The following PSMD1 variants were observed in gnomAD, a reference collection of about 807,000 sequenced individuals.
PSMD1 encodes the protein 26S proteasome non-ATPase regulatory subunit 1.
PSMD1 carries 18 observed loss-of-function variants against 119.0 expected under a neutral mutation model. That is an observed-to-expected ratio of 0.15 (90% confidence interval 0.10 to 0.22). The LOEUF (loss-of-function observed/expected upper bound fraction) is 0.22. PSMD1 is among the 10% of genes least tolerant of loss of function. PSMD1 has a pLI of 1.00. For missense variants in PSMD1, 702 were observed against 1,158.5 expected, an observed-to-expected ratio of 0.61 and a Z score of 5.72; for synonymous variants, 374 against 396.6, an observed-to-expected ratio of 0.94 and a Z score of 0.68.
rs937334286 is a variant in PSMD1 at position 231,134,760 on chromosome 2, A to G, written c.1884-3976A>G. ...GCCCATTCAAGACTCAATTAGCCTT[A>G]GAAAGAAATACTCACAGGTATGTCA... On this transcript the variant is annotated intron_variant, in intron 16 of 24. Transcript: ENST00000308696. Among the ~76,000 whole-genome samples the G allele has an allele frequency of 4.6e-5, 7 of 152,344 alleles. No homozygotes were observed. The East Asian group carries it at 9.6e-4, about 21-fold the overall frequency.
At chr2:231,082,216 C>G (rs1694325266) in intron 12 of PSMD1, among the ~76,000 whole-genome samples, 1 of 152,154 alleles carries the variant, frequency 6.6e-6, no homozygotes, top group Non-Finnish European at 1.5e-5. Context: ...GCATGCACCA[C>G]CACGCCCAGC....
intron 15 of PSMD1, among the ~76,000 whole-genome samples, chr2:231,086,439 C>T (rs1343780412): frequency 6.6e-6 from 1 of 152,082 alleles, no homozygotes; most frequent in Non-Finnish European, 1.5e-5. Flanking sequence ...GGCAGATCAC[C>T]TCTGGTCAGG....
chr2:231,057,632 A>G (rs1348467306), intron 1 of PSMD1, among the ~76,000 whole-genome samples: 1 of 152,220 alleles, frequency 6.6e-6, no homozygotes, highest in Admixed American at 6.5e-5. Context: ...CGCCCTGGAG[A>G]TACCTTTATA....
intron 16 of PSMD1, among the ~76,000 whole-genome samples, chr2:231,118,459 T>A (rs1411214937): frequency 1.3e-5 from 2 of 152,200 alleles, no homozygotes; most frequent in African/African-American, 4.8e-5. Context: ...TAACTTTCAA[T>A]TGAATTTGTC....
intron 4 of PSMD1, among the ~76,000 whole-genome samples, chr2:231,064,320 A>C (rs1693841932): frequency 6.6e-6 from 1 of 152,218 alleles, no homozygotes; most frequent in Non-Finnish European, 1.5e-5. Flanking sequence ...CAGAAAATCC[A>C]GGACTCATAA....
chr2:231,090,950 AT>A (rs1226971195), intron 16 of PSMD1, among the ~76,000 whole-genome samples: 2 of 152,216 alleles, frequency 1.3e-5, no homozygotes, highest in African/African-American at 4.8e-5. Flanking sequence ...TGCTGTCGAC[AT>A]TGTTGAAATG....
intron 8 of PSMD1, 25 bp from the exon 9 acceptor site, chr2:231,077,009 A>T (rs756533530): frequency 2.1e-5 from 29 of 1,405,096 alleles, no homozygotes; most frequent in South Asian, 8.1e-5. Context: ...ATGAGTTTTC[A>T]TTTTTTTTTT....
intron 16 of PSMD1, chr2:231,108,625 C>T (rs1250814843): frequency 3.1e-6 from 5 of 1,613,994 alleles, no homozygotes; most frequent in East Asian, 2.2e-5. Flanking sequence ...TTCGGAGCCT[C>T]ATTGGACTCT....
In PSMD1 at chr2:231,075,608, C is replaced by G. The variant is rs371779284; in HGVS notation, c.942+37C>G. The G allele has an allele frequency of 4.3e-5, 68 of 1,578,950 alleles. No homozygotes were observed. In the African/African-American group the frequency reaches 7.0e-4, roughly 16 times the overall value. On this transcript the variant is annotated intron_variant, in intron 8 of 24. Coordinates refer to ENST00000308696, the MANE Select transcript of PSMD1 (RefSeq NM_002807.4). ...TTTTTTTTTTCCTTTGAGACAGGGTCCTGATCTGTCACCCAGGCTAGAACG... is the reference window on the plus strand; with the variant it reads ...TTTTTTTTTTCCTTTGAGACAGGGTGCTGATCTGTCACCCAGGCTAGAACG...
chr2:231,067,035 A>G lies in PSMD1; in HGVS notation c.434A>G (p.His145Arg), dbSNP rs1212104009. ...ATGTTCCAGCGATGTCTAGATGATC[A>G]CAAGTATAAACAGGCTATTGGCATT... is the stretch of plus-strand genomic sequence containing the variant. ...NKMFQRCLDD[H>R]KYKQAIGIAL... The change falls in exon 5 of 25, where the codon CAC (histidine) becomes CGC (arginine). Residue 145 changes from histidine to arginine, a missense_variant. This residue lies in a region of PSMD1 where 8 missense variants were observed against 27.1 expected (regional missense o/e 0.30). Transcript: ENST00000308696. 6.2e-7 allele frequency: 1 copy of G among 1,613,936 alleles called. No homozygotes were observed. The highest frequency in any genetic ancestry group is 8.5e-7 in the Non-Finnish European group (1 of 1,180,000).
intron 19 of PSMD1, among the ~76,000 whole-genome samples, chr2:231,159,380 G>C (rs1291759853): frequency 6.6e-6 from 1 of 151,468 alleles, no homozygotes; most frequent in African/African-American, 2.4e-5. Flanking sequence ...AAAACAAAAT[G>C]ACCTAGTGAC....
At chr2:231,062,729 A>G in intron 4 of PSMD1, 54 bp downstream of exon 4, 1 of 1,368,218 alleles carries the variant, frequency 7.3e-7, no homozygotes, top group Non-Finnish European at 9.7e-7. Flanking sequence ...TTCTTGCTGT[A>G]GTGCACATAG....
chr2:231,107,342 A>G (rs10191678), intron 16 of PSMD1, among the ~76,000 whole-genome samples: 2 of 152,316 alleles, frequency 1.3e-5, no homozygotes, highest in East Asian at 1.9e-4. Context: ...AAGGACAGCA[A>G]TAGAGTCATA....
At chr2:231,099,655 C>T (rs1187467993) in intron 16 of PSMD1, among the ~76,000 whole-genome samples, 1 of 152,090 alleles carries the variant, frequency 6.6e-6, no homozygotes, top group Admixed American at 6.6e-5. Flanking sequence ...AAATTTCTCA[C>T]CTTTTGGGGT....
chr2:231,106,634 A>C (rs1336385265), intron 16 of PSMD1, among the ~76,000 whole-genome samples: 3 of 152,164 alleles, frequency 2.0e-5, no homozygotes, highest in Non-Finnish European at 4.4e-5. Context: ...AGAAAAAAAA[A>C]ATTGTAAGCA....
chr2:231,167,225 G>A (rs1228608158), intron 23 of PSMD1, among the ~76,000 whole-genome samples: 1 of 152,090 alleles, frequency 6.6e-6, no homozygotes, highest in Non-Finnish European at 1.5e-5. Flanking sequence ...GGTTCATCTC[G>A]GTGGCGGTTT....
intron 2 of PSMD1, among the ~76,000 whole-genome samples, chr2:231,061,528 G>T (rs1055004185): frequency 5.3e-5 from 8 of 152,018 alleles, no homozygotes; most frequent in Non-Finnish European, 2.9e-5. Flanking sequence ...TACGACACTT[G>T]AATAGCCCCC....
At chr2:231,096,085 T>C (rs958400347) in intron 16 of PSMD1, among the ~76,000 whole-genome samples, 3 of 152,202 alleles carry the variant, frequency 2.0e-5, no homozygotes, top group Non-Finnish European at 4.4e-5. Flanking sequence ...CTCTTGTAAA[T>C]GGGCTAGCGG....
intron 16 of PSMD1, among the ~76,000 whole-genome samples, chr2:231,115,675 A>G (rs940234302): frequency 6.6e-6 from 1 of 152,158 alleles, no homozygotes; most frequent in Admixed American, 6.5e-5. Flanking sequence ...GATCTTGCAG[A>G]TGAGTAAATT....
Sources: gnomAD v4.1 joint callset for allele counts (sites outside exome capture counted in the v4.1 genomes callset) on GRCh38, gnomAD v4.1.1 for gene constraint, gnomAD v4.1.1 regional missense constraint, MANE v1.5 for transcripts, NCBI Gene and HGNC (gene_info 2026-07-23, HGNC 2026-07-21) for gene names.